Variants in ZNF438 observed in about 807,000 individuals in gnomAD.
ZNF438 encodes zinc finger protein 438.
ZNF438 carries 25 observed loss-of-function variants against 38.0 expected under a neutral mutation model. The ratio of observed to expected loss-of-function variants is 0.66; its 90% CI spans 0.48 to 0.92. The LOEUF (loss-of-function observed/expected upper bound fraction) is 0.92, where lower values mean the gene tolerates loss of function less well. ZNF438 is among the 40% of genes least tolerant of loss of function. The pLI is 0.00. For missense variants in ZNF438, 1,007 were observed against 999.6 expected (o/e 1.01, Z -0.10); for synonymous variants, 372 against 364.1 (o/e 1.02, Z -0.25).
At chr10:30,972,649 C>G (rs1408679724) in intron 1 of ZNF438, among the ~76,000 whole-genome samples, 1 of 152,070 alleles carries the variant, frequency 6.6e-6, no homozygotes, top group Non-Finnish European at 1.5e-5. Flanking sequence ...TTTACAAATC[C>G]AGCTTAAAAT....
intron 4 of ZNF438, among the ~76,000 whole-genome samples, chr10:30,859,466 C>A (rs1189989369): frequency 6.6e-6 from 1 of 152,148 alleles, no homozygotes; most frequent in Non-Finnish European, 1.5e-5. Flanking sequence ...CTCTTTCTAC[C>A]TCTGCATGCT....
At chr10:30,908,428 T>G (rs1479658959) in intron 3 of ZNF438, among the ~76,000 whole-genome samples, 1 of 152,346 alleles carries the variant, frequency 6.6e-6, no homozygotes, top group East Asian at 1.9e-4. Flanking sequence ...GCTATTCTGG[T>G]GTTTTCAAGA....
At chr10:30,905,403 A>T (rs1589126568) in intron 3 of ZNF438, among the ~76,000 whole-genome samples, 2 of 152,190 alleles carry the variant, frequency 1.3e-5, no homozygotes, top group African/African-American at 4.8e-5. Flanking sequence ...CAATTTGCAG[A>T]TCTTCTTCGG....
chr10:31,018,735 C>T (rs2056385011), intron 1 of ZNF438, among the ~76,000 whole-genome samples: 1 of 152,082 alleles, frequency 6.6e-6, no homozygotes, highest in African/African-American at 2.4e-5. Context: ...AGGCAGATGG[C>T]CAGGGAGAAG....
At chr10:30,955,463 G>A (rs78352256) in intron 1 of ZNF438, among the ~76,000 whole-genome samples, 2,777 of 152,278 alleles carry the variant, frequency 0.018, 75 homozygotes, top group African/African-American at 0.063. Context: ...CGCTGGCAGC[G>A]TCCACTTTCT....
intron 1 of ZNF438, among the ~76,000 whole-genome samples, chr10:31,009,306 C>G (rs2055437642): frequency 6.6e-6 from 1 of 152,180 alleles, no homozygotes; most frequent in Non-Finnish European, 1.5e-5. Context: ...GACCTGATAA[C>G]TGGCACTCTT....
At chr10:30,929,803 C>T (rs1047124990) in intron 2 of ZNF438, among the ~76,000 whole-genome samples, 1 of 152,146 alleles carries the variant, frequency 6.6e-6, no homozygotes, top group Non-Finnish European at 1.5e-5. Flanking sequence ...TAAAAGTTCT[C>T]CAAGTCCCCA....
chr10:30,949,124 C>T (rs1393637270), intron 1 of ZNF438, among the ~76,000 whole-genome samples: 2 of 152,138 alleles, frequency 1.3e-5, no homozygotes, highest in African/African-American at 4.8e-5. Flanking sequence ...CAATTTTCAA[C>T]CCAGAATTTC....
chr10:30,971,786 C>T (rs767269638), intron 1 of ZNF438, among the ~76,000 whole-genome samples: 2 of 152,012 alleles, frequency 1.3e-5, no homozygotes, highest in African/African-American at 2.4e-5. Context: ...TCTGCCTATG[C>T]CACCCCCCAA....
chr10:30,846,015 T>C (rs192929145), intron 5 of ZNF438, among the ~76,000 whole-genome samples: 57 of 152,344 alleles, frequency 3.7e-4, no homozygotes, highest in Admixed American at 9.8e-4. Flanking sequence ...GCTCACTCTG[T>C]CATGTTCAGT....
At chr10:30,933,787 A>G (rs548270983) in intron 2 of ZNF438, among the ~76,000 whole-genome samples, 3 of 152,200 alleles carry the variant, frequency 2.0e-5, no homozygotes, top group African/African-American at 7.2e-5. Context: ...CCTGGCCCCA[A>G]TTGCAGCTAC....
At chr10:30,872,876 T>C (rs1040602471) in intron 4 of ZNF438, among the ~76,000 whole-genome samples, 6 of 152,178 alleles carry the variant, frequency 3.9e-5, no homozygotes, top group Admixed American at 1.3e-4. Context: ...TTAAAATTCA[T>C]TCTGACTACC....
chr10:30,981,746 C>A (rs191941894), intron 1 of ZNF438, among the ~76,000 whole-genome samples: 12 of 151,880 alleles, frequency 7.9e-5, no homozygotes, highest in Admixed American at 7.2e-4. Flanking sequence ...GGGCTGGTGG[C>A]GTGCACCTGT....
chr10:30,929,585 G>A (rs1167661875), intron 2 of ZNF438, among the ~76,000 whole-genome samples: 1 of 152,210 alleles, frequency 6.6e-6, no homozygotes, highest in Non-Finnish European at 1.5e-5. Context: ...CACAAACAAA[G>A]TACGGAAGGG....
chr10:30,891,168 C>T (rs1413700997), intron 3 of ZNF438, among the ~76,000 whole-genome samples: 2 of 152,120 alleles, frequency 1.3e-5, no homozygotes, highest in Non-Finnish European at 2.9e-5. Flanking sequence ...ATTTCAATTC[C>T]TGGGATATTT....
At chr10:30,888,978 T>A (rs1265797646) in intron 3 of ZNF438, among the ~76,000 whole-genome samples, 1 of 152,220 alleles carries the variant, frequency 6.6e-6, no homozygotes, top group Admixed American at 6.5e-5. Context: ...CAAACTAATT[T>A]ATACTCCCAC....
chr10:31,014,166 T>C (rs186280796), intron 1 of ZNF438, among the ~76,000 whole-genome samples: 28 of 152,306 alleles, frequency 1.8e-4, no homozygotes, highest in African/African-American at 6.0e-4. Context: ...GACTGTGTGA[T>C]CTGAAAAAAA....
At chr10:30,921,619 A>G (rs1262123983) in intron 2 of ZNF438, among the ~76,000 whole-genome samples, 1 of 152,220 alleles carries the variant, frequency 6.6e-6, no homozygotes, top group African/African-American at 2.4e-5. Context: ...CTTATTTCAG[A>G]AAAGTTTATG....
intron 2 of ZNF438, among the ~76,000 whole-genome samples, chr10:30,938,750 A>G (rs770089075): frequency 2.6e-5 from 4 of 151,960 alleles, no homozygotes; most frequent in Non-Finnish European, 4.4e-5. Flanking sequence ...TTTGCTCCCT[A>G]TATTTCAGAC....
Sources: allele counts gnomAD v4.1 joint callset (sites outside exome capture counted in the v4.1 genomes callset), GRCh38; gene constraint gnomAD v4.1.1; transcripts MANE v1.5; gene names NCBI Gene and HGNC (gene_info 2026-07-23, HGNC 2026-07-21).